THRA: variants seen among roughly 807,000 people sequenced by gnomAD.
The protein encoded by THRA is EAR-7.
THRA carries 13 observed loss-of-function variants against 45.0 expected under a neutral mutation model. The ratio of observed to expected loss-of-function variants is 0.29; its 90% CI spans 0.19 to 0.46. THRA has a LOEUF of 0.46. Among genes scored for constraint, THRA ranks in the 20% least tolerant of loss-of-function variants. THRA has a pLI of 1.00. For missense variants in THRA, 278 were observed against 556.1 expected, an observed-to-expected ratio of 0.50 and a Z score of 5.03; for synonymous variants, 195 against 214.0, an observed-to-expected ratio of 0.91 and a Z score of 0.78.
At chr17:40,065,937 C>T (rs971226101) in intron 1 of THRA, among the ~76,000 whole-genome samples, 2 of 152,234 alleles carry the variant, frequency 1.3e-5, no homozygotes, top group Non-Finnish European at 2.9e-5. Context: ...AAAGAACCGC[C>T]CCCATGGGCA....
At chr17:40,081,940 G>A (rs1394392529) in intron 4 of THRA, among the ~76,000 whole-genome samples, 8 of 151,740 alleles carry the variant, frequency 5.3e-5, no homozygotes, top group Non-Finnish European at 1.2e-4. Context: ...TCCAGCCTGG[G>A]TGACAGAGTG....
rs71152640 is a variant in THRA, at chr17:40,091,231, T to TAC, written c.*1814_*1815dup. ...TGACCCTCAGCCTGCCACAGCCCCC[T>TAC]ACACACACACACACACACACACACA... On this transcript the variant is annotated 3_prime_UTR_variant, in exon 9 of 9. Transcript: ENST00000450525. 7,263 of 142,288 alleles carry TAC rather than the reference T, an allele frequency of 0.051. 257 individuals carry two copies. The highest frequency in any genetic ancestry group is 0.091 in the Admixed American group (1,297 of 14,240). 8.8% of individuals were successfully genotyped at this position (142,288 alleles called of 1,614,324 possible).
At position 40,066,324 on chromosome 17, in the gene THRA, G is replaced by A. The variant is rs140856001; in HGVS notation, c.-298+3232G>A. On this transcript the variant is annotated intron_variant, in intron 1 of 8. Transcript: ENST00000450525. ...AGAACCCACAGGGCAGCTACAGAGG[G>A]GAAAGACTGAGGCTTGGTCTCAGGG... Among the ~76,000 whole-genome samples, 491 of 152,230 alleles carry A rather than the reference G, an allele frequency of 3.2e-3. 3 individuals are homozygous for A. Among genetic ancestry groups the A allele is most frequent in the Non-Finnish European group, 4.5e-3 (304 of 68,014 alleles).
Position 40,089,609 on chromosome 17 carries a change from C to T in THRA, c.*153C>T. The T allele has an allele frequency of 6.9e-7, 1 of 1,440,172 alleles. No individual in the cohort carries two copies. Among genetic ancestry groups the T allele is most frequent in the Non-Finnish European group, 9.1e-7 (1 of 1,102,468 alleles). The allele number at this position is 1,440,172 out of a possible 1,614,324, so 89.2% of individuals were successfully genotyped here. On this transcript the variant is annotated 3_prime_UTR_variant, in exon 9 of 9. Coordinates refer to ENST00000450525, the MANE Select transcript of THRA (RefSeq NM_199334.5). The surrounding 1 kb of genome is among the most constrained non-coding windows in gnomAD (Gnocchi z 6.1). The stretch of plus-strand genomic sequence containing the variant: ...GCTCCCACACACACACCCGCACTGC[C>T]CAGGTCCCTCCTCAGACCTCCAGCC...
At chr17:40,072,499 G>A (rs1038928557) in intron 1 of THRA, among the ~76,000 whole-genome samples, 9 of 152,126 alleles carry the variant, frequency 5.9e-5, no homozygotes, top group Non-Finnish European at 1.2e-4. Flanking sequence ...GGAGACAGGC[G>A]GGGGCAGCAC....
At chr17:40,066,227 CG>C (rs908648004) in intron 1 of THRA, among the ~76,000 whole-genome samples, 22 of 152,246 alleles carry the variant, frequency 1.4e-4, no homozygotes, top group African/African-American at 5.3e-4. Context: ...ACATCGAGCC[CG>C]GGGGCACCAA....
At chr17:40,080,429 A>C (rs2145067444) in intron 4 of THRA, among the ~76,000 whole-genome samples, 1 of 152,220 alleles carries the variant, frequency 6.6e-6, no homozygotes, top group Non-Finnish European at 1.5e-5. Flanking sequence ...AACAAAAAAA[A>C]AAAACGGAAA....
intron 7 of THRA, 56 bp from the exon 8 acceptor site, chr17:40,088,186 C>T (rs1377947064): frequency 2.6e-6 from 4 of 1,541,272 alleles, no homozygotes; most frequent in Non-Finnish European, 2.6e-6. Context: ...CTAGGGGAGA[C>T]TCAAGGACGC....
At chr17:40,067,185 GC>G (rs1366408148) in intron 1 of THRA, among the ~76,000 whole-genome samples, 1 of 151,656 alleles carries the variant, frequency 6.6e-6, no homozygotes, top group Non-Finnish European at 1.5e-5. Flanking sequence ...AGGCCCCTCT[GC>G]CCCACCCTCC....
chr17:40,076,896 A>G lies in THRA; in HGVS notation c.79A>G (p.Lys27Glu). 1 of 1,614,158 alleles carries G rather than the reference A, an allele frequency of 6.2e-7. No individual in the cohort carries two copies. Reference protein sequence around the residue: ...NSARSPDGKRKRKNGQCSLKT... With the variant: ...NSARSPDGKRERKNGQCSLKT... ...TGCCAGGTCACCAGATGGAAAGCGA[A>G]AAAGAAAGAACGGCCAATGTTCCCT... Residue 27 changes from lysine to glutamate, a missense_variant, in exon 3 of 9, where the codon AAA becomes GAA. Physicochemically the swap from Lys to Glu is moderately conservative, Grantham distance 56. This residue lies in a region of THRA where 34 missense variants were observed against 39.7 expected (regional missense o/e 0.86). Coordinates refer to ENST00000450525, the MANE Select transcript of THRA (RefSeq NM_199334.5).
chr17:40,062,900 C>G (rs998810101), upstream of THRA: 5 of 149,056 alleles, frequency 3.4e-5, no homozygotes, highest in African/African-American at 1.2e-4. Context: ...GGAGCCAGAG[C>G]GGCCGCCGCC....
intron 6 of THRA, among the ~76,000 whole-genome samples, chr17:40,085,066 G>A (rs1167494931): frequency 6.6e-6 from 1 of 152,184 alleles, no homozygotes; most frequent in Non-Finnish European, 1.5e-5. Context: ...CAGGGAGCGG[G>A]AGCGACCTTT....
Position 40,089,491 on chromosome 17 carries a change from G to A in THRA, c.*35G>A, listed in dbSNP as rs1186162087. 11 of 1,607,522 alleles carry A rather than the reference G, an allele frequency of 6.8e-6. No individual in the cohort carries two copies. In the East Asian group the frequency reaches 1.1e-4, roughly 16 times the overall value. On this transcript the variant is annotated 3_prime_UTR_variant, in exon 9 of 9. Transcript: ENST00000450525. This position sits in a 1 kb window ranked among gnomAD's most constrained non-coding sequence, Gnocchi z 6.1. ...CGGCCAGAGGGTGTGCGGAGCTGGT[G>A]GGGAGGAGCCTGGAGAGAAGGGGCA... is the stretch of plus-strand genomic sequence containing the variant.
At chr17:40,067,056 T>A (rs1042488340) in intron 1 of THRA, among the ~76,000 whole-genome samples, 8 of 152,178 alleles carry the variant, frequency 5.3e-5, no homozygotes, top group African/African-American at 1.9e-4. Flanking sequence ...TAGACATCAG[T>A]GAGACTGGGG....
intron 2 of THRA, among the ~76,000 whole-genome samples, chr17:40,076,367 A>C (rs1986953396): frequency 6.6e-6 from 1 of 152,190 alleles, no homozygotes; most frequent in Non-Finnish European, 1.5e-5. Flanking sequence ...GGCATATCCT[A>C]GAGGTTGTAT....
Position 40,089,122 on chromosome 17 carries a change from T to C in THRA, c.983-84T>C. 1 of 1,391,156 alleles carries C rather than the reference T, an allele frequency of 7.2e-7. No homozygotes were observed. Among genetic ancestry groups the C allele is most frequent in the Non-Finnish European group, 1.0e-6 (1 of 1,003,874 alleles). The allele number at this position is 1,391,156 out of a possible 1,614,324, so 86.2% of individuals were successfully genotyped here. A position where few individuals can be genotyped will look rare whatever the true frequency, so the allele number is the denominator to read the frequency against. Reference sequence around the variant, plus strand: ...TGCCTCTATCTCCCCTCTAGTCCTTTCTTCCCACGTCCCCACACCTCACCC... The same window carrying C: ...TGCCTCTATCTCCCCTCTAGTCCTTCCTTCCCACGTCCCCACACCTCACCC... On this transcript the variant is annotated intron_variant, in intron 8 of 8. Coordinates refer to ENST00000450525, the MANE Select transcript of THRA (RefSeq NM_199334.5). This position sits in a 1 kb window ranked among gnomAD's most constrained non-coding sequence, Gnocchi z 6.1.
Position 40,089,825 on chromosome 17 carries a change from A to G in THRA, c.*369A>G, listed in dbSNP as rs1423387375. The G allele has an allele frequency of 1.8e-6, 2 of 1,093,550 alleles. No individual in the cohort carries two copies. Among genetic ancestry groups the G allele is most frequent in the Middle Eastern group, 4.2e-4 (1 of 2,358 alleles). 67.7% of individuals were successfully genotyped at this position (1,093,550 alleles called of 1,614,324 possible). A position where few individuals can be genotyped will look rare whatever the true frequency, so the allele number is the denominator to read the frequency against. ...GGCTGGGGGAAGATGCCCTCAACTC[A>G]CCCCCTACACACACATGAGAGAGAG... On this transcript the variant is annotated 3_prime_UTR_variant, in exon 9 of 9. Transcript: ENST00000450525. The surrounding 1 kb of genome is among the most constrained non-coding windows in gnomAD (Gnocchi z 6.1).
chr17:40,082,970 C>T (rs950275849), intron 4 of THRA, among the ~76,000 whole-genome samples: 18 of 149,348 alleles, frequency 1.2e-4, no homozygotes, highest in African/African-American at 4.4e-4. Context: ...CTCTGTCACC[C>T]AGCCTGGAGT....
Position 40,089,045 on chromosome 17 carries a change from C to T in THRA, c.983-161C>T, listed in dbSNP as rs963596958. On this transcript the variant is annotated intron_variant, in intron 8 of 8. Coordinates refer to ENST00000450525, the MANE Select transcript of THRA (RefSeq NM_199334.5). The surrounding 1 kb of genome is among the most constrained non-coding windows in gnomAD (Gnocchi z 6.1). ...GCTGCCTCCCTCTCCCTGTGCTTCT[C>T]CTGTCCACGTCTCTCAGGGGGAGCT... Among the ~76,000 whole-genome samples the T allele has an allele frequency of 2.1e-5, 3 of 144,786 alleles. No individual in the cohort carries two copies. Among genetic ancestry groups the T allele is most frequent in the African/African-American group, 7.6e-5 (3 of 39,582 alleles). 95.0% of individuals were successfully genotyped at this position (144,786 alleles called of 152,430 possible).
Sources: allele counts gnomAD v4.1 joint callset (sites outside exome capture counted in the v4.1 genomes callset), GRCh38; gene constraint gnomAD v4.1.1; regional missense constraint gnomAD v4.1.1; non-coding constraint Gnocchi (gnomAD v3.1); transcripts MANE v1.5; gene names NCBI Gene and HGNC (gene_info 2026-07-23, HGNC 2026-07-21).